ANKRD27: variants seen among roughly 807,000 people sequenced by gnomAD.
The protein encoded by ANKRD27 is ankyrin repeat domain-containing protein 27.
ANKRD27 carries 112 observed loss-of-function variants against 129.7 expected under a neutral mutation model. The ratio of observed to expected loss-of-function variants is 0.86; its 90% CI spans 0.74 to 1.01. ANKRD27 has a LOEUF of 1.01. Among genes scored for constraint, ANKRD27 ranks in the 50% least tolerant of loss-of-function variants. ANKRD27 has a pLI of 0.00. For synonymous variants in ANKRD27, 516 were observed against 511.2 expected, an observed-to-expected ratio of 1.01 and a Z score of -0.13; for missense variants, 1,258 against 1,300.5, an observed-to-expected ratio of 0.97 and a Z score of 0.50.
chr19:32,602,630 C>T (rs971214152), intron 25 of ANKRD27, among the ~76,000 whole-genome samples: 1 of 151,958 alleles, frequency 6.6e-6, no homozygotes, highest in African/African-American at 2.4e-5. Flanking sequence ...CGATGGCTCA[C>T]GCCTGTAATC....
At chr19:32,614,124 A>C (rs1971876565) in intron 22 of ANKRD27, among the ~76,000 whole-genome samples, 1 of 151,888 alleles carries the variant, frequency 6.6e-6, no homozygotes, top group African/African-American at 2.4e-5. Context: ...GGGCAGTTTG[A>C]ATGATTGGTC....
chr19:32,600,024 C>CT lies in ANKRD27; in HGVS notation c.2793dup (p.Asp932ArgfsTer2). 2 of 1,612,996 alleles carry CT rather than the reference C, an allele frequency of 1.2e-6. No homozygotes were observed. Among genetic ancestry groups the CT allele is most frequent in the African/African-American group, 1.3e-5 (1 of 75,050 alleles). ...TAAAACTGTCTTGTAAAAGGCTCAT[C>CT]TGGTAGATCATACAGTTTTGAGTTC... is the stretch of plus-strand genomic sequence containing the variant. On this transcript the variant is annotated frameshift_variant, in exon 27 of 29. Transcript: ENST00000306065. LOFTEE classifies it high-confidence loss of function.
chr19:32,657,016 G>A (rs1017077632), intron 2 of ANKRD27, among the ~76,000 whole-genome samples: 1 of 152,116 alleles, frequency 6.6e-6, no homozygotes, highest in East Asian at 1.9e-4. Context: ...GAAGATTGTG[G>A]TGAAGAAATA....
At chr19:32,603,238 CAGTGAG>C (rs1971678953) in intron 25 of ANKRD27, among the ~76,000 whole-genome samples, 1 of 152,108 alleles carries the variant, frequency 6.6e-6, no homozygotes, top group Non-Finnish European at 1.5e-5. Flanking sequence ...GCAGAGGTTG[CAGTGAG>C]CCAAGATCAC....
chr19:32,622,673 G>C, intron 17 of ANKRD27, 54 bp from the exon 18 acceptor site: 1 of 1,581,750 alleles, frequency 6.3e-7, no homozygotes, highest in Non-Finnish European at 8.7e-7. Flanking sequence ...GCCTCGACAA[G>C]GTCCGTGCTC....
intron 10 of ANKRD27, 55 bp downstream of exon 10, chr19:32,641,969 T>A: frequency 6.7e-7 from 1 of 1,501,684 alleles, no homozygotes; most frequent in Non-Finnish European, 8.9e-7. Flanking sequence ...ACTCTTTGCT[T>A]TTTCATCTGG....
At chr19:32,645,438 ATTTAT>A (rs1002813319) in intron 4 of ANKRD27, among the ~76,000 whole-genome samples, 1 of 151,236 alleles carries the variant, frequency 6.6e-6, no homozygotes, top group Non-Finnish European at 1.5e-5. Context: ...AATAATAATA[ATTTAT>A]TTTATTGTTT....
intron 24 of ANKRD27, 52 bp downstream of exon 24, chr19:32,605,783 G>A (rs1457763133): frequency 1.6e-5 from 25 of 1,599,744 alleles, no homozygotes; most frequent in Middle Eastern, 1.9e-4. Flanking sequence ...GGGTGGAGGC[G>A]CCCTGTTAAC....
chr19:32,642,967 C>A, intron 9 of ANKRD27, 156 bp downstream of exon 9: 1 of 721,752 alleles, frequency 1.4e-6, no homozygotes, highest in Non-Finnish European at 2.3e-6. Context: ...CTATAAAGGG[C>A]AGCCCTTTAT....
chr19:32,647,677 G>A (rs1486924887), intron 3 of ANKRD27, among the ~76,000 whole-genome samples: 2 of 152,198 alleles, frequency 1.3e-5, no homozygotes, highest in East Asian at 3.9e-4. Flanking sequence ...TCCTGCTAGA[G>A]ATCTGCTCAC....
chr19:32,615,642 A>G lies in ANKRD27; in HGVS notation c.2175+16T>C. 1 of 1,614,170 alleles carries G rather than the reference A, an allele frequency of 6.2e-7. No homozygotes were observed. The highest frequency in any genetic ancestry group is 8.5e-7 in the Non-Finnish European group (1 of 1,180,030). ...CCTACATTCCCTGACCTCCACCAAC[A>G]GAAACAAAGCCAAACCTTCTGAGCT... On this transcript the variant is annotated intron_variant, in intron 22 of 28. Coordinates refer to ENST00000306065, the MANE Select transcript of ANKRD27 (RefSeq NM_032139.3).
At chr19:32,610,355 C>T (rs1161334340) in intron 22 of ANKRD27, among the ~76,000 whole-genome samples, 1 of 151,782 alleles carries the variant, frequency 6.6e-6, no homozygotes, top group African/African-American at 2.4e-5. Flanking sequence ...CATGGTGGTA[C>T]GTGCCTGTAG....
At chr19:32,661,199 TAA>T (rs78062810) in intron 1 of ANKRD27, among the ~76,000 whole-genome samples, 10 of 114,802 alleles carry the variant, frequency 8.7e-5, no homozygotes, top group South Asian at 2.8e-4. Flanking sequence ...AGATGCTGTC[TAA>T]AAAAAAAAAA....
At position 32,673,776 on chromosome 19, in the gene ANKRD27, G is replaced by C. The variant is rs114556076; in HGVS notation, c.-31+1295C>G. Among the ~76,000 whole-genome samples the C allele has an allele frequency of 9.6e-3, 1,463 of 152,202 alleles. 27 individuals are homozygous for C. The highest frequency in any genetic ancestry group is 0.033 in the African/African-American group (1,384 of 41,542). On this transcript the variant is annotated intron_variant, in intron 1 of 28. Transcript: ENST00000306065. The stretch of plus-strand genomic sequence containing the variant: ...AAGGACGGACCCCTGGGTGACAGCA[G>C]GCCCCGGGGCTCAGTACACCGGACC...
intron 1 of ANKRD27, among the ~76,000 whole-genome samples, chr19:32,663,161 C>A (rs895310882): frequency 6.6e-6 from 1 of 152,150 alleles, no homozygotes; most frequent in Non-Finnish European, 1.5e-5. Context: ...CTTGGTACCC[C>A]AAGATCCCAA....
At chr19:32,661,836 G>GA (rs1285083567) in intron 1 of ANKRD27, among the ~76,000 whole-genome samples, 3 of 152,024 alleles carry the variant, frequency 2.0e-5, no homozygotes, top group South Asian at 2.1e-4. Context: ...GAATTTGGTT[G>GA]AAAAAAACAC....
chr19:32,626,751 C>A lies in ANKRD27; in HGVS notation c.1497G>T (p.Pro499=). ...VNATDYHGAT[P]LHLACQKGYQ... is the part of the protein sequence containing the mutation. The stretch of plus-strand genomic sequence containing the variant: ...AGCCCTTCTGACAGGCCAGGTGGAG[C>A]GGAGTGGCTCCATGGTAGTCTGTGG... The change falls in exon 16 of 29, where the codon CCG becomes CCT. Residue 499 remains proline, a synonymous_variant. Coordinates refer to ENST00000306065, the MANE Select transcript of ANKRD27 (RefSeq NM_032139.3). The A allele has an allele frequency of 6.2e-7, 1 of 1,612,126 alleles. No individual in the cohort carries two copies. The highest frequency in any genetic ancestry group is 8.5e-7 in the Non-Finnish European group (1 of 1,179,246).
rs958454373 is a variant in ANKRD27 at position 32,664,085 on chromosome 19, G to C, written c.-30-5040C>G. Reference sequence around the variant, plus strand: ...AAAAAAAAAAAAAAAGAAAGAAATAGGGTGCAATTAATTTTAATGATATAT... The same window carrying C: ...AAAAAAAAAAAAAAAGAAAGAAATACGGTGCAATTAATTTTAATGATATAT... On this transcript the variant is annotated intron_variant, in intron 1 of 28. Coordinates refer to ENST00000306065, the MANE Select transcript of ANKRD27 (RefSeq NM_032139.3). Among the ~76,000 whole-genome samples, 59 of 148,794 alleles carry C rather than the reference G, an allele frequency of 4.0e-4. 1 individual carries two copies. The highest frequency in any genetic ancestry group is 1.4e-3 in the African/African-American group (58 of 40,296).
At chr19:32,607,326 G>C (rs1971759079) in intron 23 of ANKRD27, among the ~76,000 whole-genome samples, 1 of 152,028 alleles carries the variant, frequency 6.6e-6, no homozygotes, top group Admixed American at 6.6e-5. Flanking sequence ...ATGACCATGG[G>C]GACAGTGCTC....
Sources: gnomAD v4.1 joint callset for allele counts (sites outside exome capture counted in the v4.1 genomes callset) on GRCh38, gnomAD v4.1.1 for gene constraint, MANE v1.5 for transcripts, NCBI Gene and HGNC (gene_info 2026-07-23, HGNC 2026-07-21) for gene names.